Variants in TMPRSS11D observed in about 807,000 individuals in gnomAD.
TMPRSS11D encodes the protein transmembrane serine protease 11D.
A neutral mutation model predicts 44.4 loss-of-function variants in TMPRSS11D; 32 were observed. The observed-to-expected ratio is 0.72, with a 90% CI of 0.54 to 0.97. The LOEUF is 0.97. TMPRSS11D is among the 50% of genes least tolerant of loss of function. TMPRSS11D has a pLI of 0.00. For missense variants in TMPRSS11D, 446 were observed against 502.6 expected, an observed-to-expected ratio of 0.89 and a Z score of 1.08; for synonymous variants, 179 against 177.9, an observed-to-expected ratio of 1.01 and a Z score of -0.05.
At chr4:67,853,318 G>C (rs898091524) in intron 3 of TMPRSS11D, among the ~76,000 whole-genome samples, 5 of 152,164 alleles carry the variant, frequency 3.3e-5, no homozygotes, top group African/African-American at 1.2e-4. Flanking sequence ...CCTGGATTAA[G>C]GAATATTCCA....
rs978904581 is a variant in TMPRSS11D at position 67,838,064 on chromosome 4, T to G, written c.475+108A>C. The G allele has an allele frequency of 1.1e-5, 10 of 941,702 alleles. No homozygotes were observed. The African/African-American group carries it at 1.2e-4, about 11-fold the overall frequency. 58.3% of individuals were successfully genotyped at this position (941,702 alleles called of 1,614,324 possible). ...GCTTTTTAATGGATTGTTTTCACAG[T>G]TTAGTTTCAAAGAAAGAAAAGTCAG... On this transcript the variant is annotated intron_variant, in intron 5 of 9. Coordinates refer to ENST00000283916, the MANE Select transcript of TMPRSS11D (RefSeq NM_004262.3).
intron 7 of TMPRSS11D, among the ~76,000 whole-genome samples, chr4:67,829,960 G>A (rs1362334765): frequency 6.6e-6 from 1 of 152,020 alleles, no homozygotes; most frequent in African/African-American, 2.4e-5. Context: ...GCCTGCATGT[G>A]TGCTTCTGAA....
intron 3 of TMPRSS11D, 36 bp downstream of exon 3, chr4:67,854,032 T>A: frequency 8.4e-7 from 1 of 1,193,576 alleles, no homozygotes; most frequent in Non-Finnish European, 1.2e-6. Flanking sequence ...ATTCATTTTA[T>A]AATGGAATAA....
chr4:67,838,066 T>C (rs1158353111), intron 5 of TMPRSS11D, 106 bp downstream of exon 5: 4 of 949,092 alleles, frequency 4.2e-6, no homozygotes, highest in Non-Finnish European at 5.9e-6. Context: ...TTTCACAGTT[T>C]AGTTTCAAAG....
chr4:67,859,674 C>T lies in TMPRSS11D; in HGVS notation c.13G>A (p.Ala5Thr), dbSNP rs144036048. 708 of 1,612,750 alleles carry T rather than the reference C, an allele frequency of 4.4e-4. 4 individuals carry two copies. In the South Asian group the frequency reaches 5.4e-3, roughly 12 times the overall value. Reference sequence around the variant, plus strand: ...AATCTTGAAGTCGAAGTTACACGTGCTGGCCTTACAAGAGAGAGAGATCAA... The same window carrying T: ...AATCTTGAAGTCGAAGTTACACGTGTTGGCCTTACAAGAGAGAGAGATCAA... MYRP[A>T]RVTSTSRFLN... The change falls in exon 2 of 10, where the codon GCA (alanine) becomes ACA (threonine). Residue 5 changes from alanine (A) to threonine (T), a missense_variant. By Grantham distance (58) the Ala-to-Thr change is moderately conservative. Transcript: ENST00000283916.
At chr4:67,857,375 A>G (rs926689760) in intron 2 of TMPRSS11D, among the ~76,000 whole-genome samples, 8 of 149,336 alleles carry the variant, frequency 5.4e-5, no homozygotes, top group African/African-American at 2.0e-4. Flanking sequence ...TTTGGCCATA[A>G]AAAGAATGAA....
At chr4:67,824,140 T>C (rs1273971589) in intron 9 of TMPRSS11D, among the ~76,000 whole-genome samples, 2 of 92,258 alleles carry the variant, frequency 2.2e-5, no homozygotes, top group African/African-American at 1.1e-4. Context: ...GTGCTGTGTT[T>C]TTTTTTTTTT....
At chr4:67,866,637 G>A (rs959138571) in intron 1 of TMPRSS11D, among the ~76,000 whole-genome samples, 1 of 151,986 alleles carries the variant, frequency 6.6e-6, no homozygotes, top group African/African-American at 2.4e-5. Flanking sequence ...CTTCAGGAAT[G>A]TCTCGGGATA....
At chr4:67,849,422 A>C (rs1371927) in intron 3 of TMPRSS11D, among the ~76,000 whole-genome samples, 115,946 of 152,046 alleles carry the variant, frequency 0.76, 46,232 homozygotes, top group Middle Eastern at 0.91. Context: ...GGGATCATCT[A>C]GACAGAATGA....
In TMPRSS11D at chr4:67,883,994, C is replaced by CA; in HGVS notation, c.-62dup. Reference sequence around the variant, plus strand: ...ACTCAACTGCTTTGAGATTCCCACTCAAATGAATGACTCTCATGTATTACG... The same window carrying CA: ...ACTCAACTGCTTTGAGATTCCCACTCAAAATGAATGACTCTCATGTATTACG... On this transcript the variant is annotated 5_prime_UTR_variant, in exon 1 of 10. Coordinates refer to ENST00000283916, the MANE Select transcript of TMPRSS11D (RefSeq NM_004262.3). 1 of 1,485,278 alleles carries CA rather than the reference C, an allele frequency of 6.7e-7. No homozygotes were observed. The highest frequency in any genetic ancestry group is 9.3e-7 in the Non-Finnish European group (1 of 1,078,752). 92.0% of individuals were successfully genotyped at this position (1,485,278 alleles called of 1,614,324 possible).
intron 1 of TMPRSS11D, among the ~76,000 whole-genome samples, chr4:67,866,132 C>T (rs1718919522): frequency 6.6e-6 from 1 of 151,830 alleles, no homozygotes; most frequent in African/African-American, 2.4e-5. Flanking sequence ...AACAGCACAT[C>T]AAAATGGTAA....
intron 7 of TMPRSS11D, among the ~76,000 whole-genome samples, chr4:67,829,172 A>G (rs1168394442): frequency 6.6e-6 from 1 of 152,016 alleles, no homozygotes; most frequent in Non-Finnish European, 1.5e-5. Context: ...GTACTGTAAA[A>G]AAGTAATGTA....
In TMPRSS11D at chr4:67,822,511, AGAATGACT is replaced by A; in HGVS notation, c.1096-21_1096-14del. 6.2e-7 allele frequency: 1 copy of A among 1,613,620 alleles called. No individual in the cohort carries two copies. The highest frequency in any genetic ancestry group is 2.2e-5 in the East Asian group (1 of 44,878). On this transcript the variant is annotated splice_polypyrimidine_tract_variant and intron_variant, in intron 9 of 9. Coordinates refer to ENST00000283916, the MANE Select transcript of TMPRSS11D (RefSeq NM_004262.3). ...CACCAGAGTCACCCTGTAAAAAAACAGAATGACTGATTACTTAAGTGCAAAGACAAACC... is the reference window on the plus strand; with the variant it reads ...CACCAGAGTCACCCTGTAAAAAAACAGATTACTTAAGTGCAAAGACAAACC...
intron 9 of TMPRSS11D, 145 bp from the exon 10 acceptor site, chr4:67,822,643 G>T: frequency 1.2e-5 from 11 of 880,290 alleles, no homozygotes; most frequent in Non-Finnish European, 1.8e-5. Context: ...ATTATACCAA[G>T]TCATGGAAAA....
intron 1 of TMPRSS11D, among the ~76,000 whole-genome samples, chr4:67,883,363 T>C (rs745642108): frequency 6.6e-6 from 1 of 152,076 alleles, no homozygotes; most frequent in South Asian, 2.1e-4. Context: ...AAAATACTTA[T>C]TCATTAACTA....
At chr4:67,849,739 C>G (rs1355308440) in intron 3 of TMPRSS11D, among the ~76,000 whole-genome samples, 1 of 152,204 alleles carries the variant, frequency 6.6e-6, no homozygotes, top group African/African-American at 2.4e-5. Flanking sequence ...GACTATTTCA[C>G]TGCTCATTCA....
In TMPRSS11D at chr4:67,866,575, T is replaced by C. The variant is rs542470477; in HGVS notation, c.9-6897A>G. Among the ~76,000 whole-genome samples, 5 of 152,094 alleles carry C rather than the reference T, an allele frequency of 3.3e-5. No individual in the cohort carries two copies. The South Asian group carries it at 1.0e-3, about 32-fold the overall frequency. ...TATCTCTACTGACAATATGATCTTA[T>C]ACCTAGAAAATCCTAAGACTCCTCC... On this transcript the variant is annotated intron_variant, in intron 1 of 9. Coordinates refer to ENST00000283916, the MANE Select transcript of TMPRSS11D (RefSeq NM_004262.3).
intron 1 of TMPRSS11D, among the ~76,000 whole-genome samples, chr4:67,875,620 C>G (rs1007938793): frequency 6.6e-6 from 1 of 152,248 alleles, no homozygotes; most frequent in African/African-American, 2.4e-5. Context: ...AGAGCACAGA[C>G]CCTGAGACTG....
At chr4:67,848,244 A>G (rs1167431755) in intron 3 of TMPRSS11D, among the ~76,000 whole-genome samples, 1 of 152,218 alleles carries the variant, frequency 6.6e-6, no homozygotes. Flanking sequence ...AGTTTATCCC[A>G]GGTATTAATC....
Sources: gnomAD v4.1 joint callset for allele counts (sites outside exome capture counted in the v4.1 genomes callset) on GRCh38, gnomAD v4.1.1 for gene constraint, MANE v1.5 for transcripts, NCBI Gene and HGNC (gene_info 2026-07-23, HGNC 2026-07-21) for gene names.